The following FNBP1 variants were observed in gnomAD, a reference collection of about 807,000 sequenced individuals.
FNBP1 encodes the protein formin binding protein 1, also known as formin-binding protein 1.
A neutral mutation model predicts 90.6 loss-of-function variants in FNBP1; 26 were observed. The observed-to-expected ratio is 0.29, with a 90% CI of 0.21 to 0.40. The LOEUF (loss-of-function observed/expected upper bound fraction) is 0.40. FNBP1 is among the 10% of genes least tolerant of loss of function. The pLI, the probability that FNBP1 is intolerant of heterozygous loss-of-function variation, is 1.00. For synonymous variants in FNBP1, 260 were observed against 265.2 expected (o/e 0.98, Z 0.19); for missense variants, 635 against 768.0 (o/e 0.83, Z 2.05).
At chr9:130,049,127 G>A in the FNBP1 span, among the ~76,000 whole-genome samples, 7 of 151,388 alleles carry the variant, frequency 4.6e-5, no homozygotes, top group Non-Finnish European at 8.8e-5. Context: ...AGTGGCTCAT[G>A]CCTGTAATCC....
At chr9:129,891,153 T>TA (rs113290032) in intron 16 of FNBP1, among the ~76,000 whole-genome samples, 19 of 135,634 alleles carry the variant, frequency 1.4e-4, no homozygotes, top group Admixed American at 2.2e-4. Context: ...AGACTCCGTC[T>TA]TAAAAAAAAA....
At chr9:129,973,705 A>G (rs10819583) in intron 4 of FNBP1, among the ~76,000 whole-genome samples, 145,458 of 150,366 alleles carry the variant, frequency 0.97, 70,533 homozygotes, top group East Asian at 1. Flanking sequence ...GGGTTTCACC[A>G]TGTTGGCCAG....
chr9:129,923,850 CT>C lies in FNBP1; in HGVS notation c.1163del (p.Lys388SerfsTer34). 2 of 1,593,084 alleles carry C rather than the reference CT, an allele frequency of 1.3e-6. No individual in the cohort carries two copies. The highest frequency in any genetic ancestry group is 1.7e-6 in the Non-Finnish European group (2 of 1,170,802). ...KPKIHCFRSL[K>X]RGLSLKLGAT... ...ATTCCGGAGCAGAACTTACCCCACGCTTTAGGCTCCTGAAGCAGTGGATTTT... is the reference window on the plus strand; with the variant it reads ...ATTCCGGAGCAGAACTTACCCCACGCTTAGGCTCCTGAAGCAGTGGATTTT... On this transcript the variant is annotated frameshift_variant, in exon 10 of 17. Transcript: ENST00000446176. LOFTEE classifies it high-confidence loss of function.
chr9:129,954,271 T>C (rs1202919009), intron 6 of FNBP1, among the ~76,000 whole-genome samples: 1 of 152,086 alleles, frequency 6.6e-6, no homozygotes, highest in Non-Finnish European at 1.5e-5. Context: ...ATGGAATCCG[T>C]AGTTTGTAAC....
intron 1 of FNBP1, among the ~76,000 whole-genome samples, chr9:130,025,560 A>G (rs1328530405): frequency 6.6e-6 from 1 of 152,210 alleles, no homozygotes; most frequent in African/African-American, 2.4e-5. Context: ...AGTTTATACC[A>G]AATTCATTGA....
the FNBP1 span, chr9:130,053,825 T>C: frequency 1.9e-6 from 2 of 1,063,820 alleles, no homozygotes; most frequent in South Asian, 3.0e-5. Flanking sequence ...GACCACAGGG[T>C]CAGCGGAGCT....
chr9:130,026,828 T>C (rs1044033929), intron 1 of FNBP1, among the ~76,000 whole-genome samples: 3 of 151,700 alleles, frequency 2.0e-5, no homozygotes, highest in African/African-American at 7.3e-5. Flanking sequence ...TAGATGGGCA[T>C]GGTGCTCACA....
chr9:129,913,493 G>A (rs1389589267), intron 11 of FNBP1, among the ~76,000 whole-genome samples: 5 of 151,916 alleles, frequency 3.3e-5, no homozygotes, highest in Admixed American at 6.6e-5. Context: ...AAACCTGGCC[G>A]GGCCTGGTGG....
chr9:129,997,651 G>A (rs1421426207), intron 1 of FNBP1, among the ~76,000 whole-genome samples: 1 of 152,096 alleles, frequency 6.6e-6, no homozygotes, highest in Non-Finnish European at 1.5e-5. Flanking sequence ...AACCCTTTGT[G>A]GATCTAGTTT....
intron 1 of FNBP1, among the ~76,000 whole-genome samples, chr9:130,007,688 C>T (rs1035869777): frequency 4.6e-5 from 7 of 152,120 alleles, no homozygotes; most frequent in African/African-American, 9.7e-5. Flanking sequence ...TCTCTAACTG[C>T]CCCAAAGATG....
chr9:130,012,929 A>G (rs1456769740), intron 1 of FNBP1, among the ~76,000 whole-genome samples: 4 of 151,878 alleles, frequency 2.6e-5, no homozygotes, highest in Admixed American at 2.0e-4. Context: ...GTGAGCCACC[A>G]CGCCCAGCCA....
chr9:129,990,613 T>C (rs2052981569), intron 2 of FNBP1, among the ~76,000 whole-genome samples: 2 of 152,188 alleles, frequency 1.3e-5, no homozygotes, highest in South Asian at 2.1e-4. Flanking sequence ...CGTAAGGTTT[T>C]TGGATTTACT....
At chr9:129,931,561 G>A (rs2042747950) in intron 6 of FNBP1, among the ~76,000 whole-genome samples, 1 of 151,834 alleles carries the variant, frequency 6.6e-6, no homozygotes, top group African/African-American at 2.4e-5. Context: ...AGCCGAGATC[G>A]CGCCACTATA....
chr9:129,925,119 A>C lies in FNBP1; in HGVS notation c.828T>G (p.Phe276Leu), dbSNP rs777651562. 3 of 1,613,756 alleles carry C rather than the reference A, an allele frequency of 1.9e-6. No homozygotes were observed. The highest frequency in any genetic ancestry group is 8.5e-7 in the Non-Finnish European group (1 of 1,179,808). ...QLVIEAYKSG[F>L]EPPGDIEFED... ...CAAATTCAATGTCTCCAGGAGGCTC[A>C]AACCCTGATTTATAAGCTTCTATTA... The change falls in exon 9 of 17, where the codon TTT (phenylalanine) becomes TTG (leucine). Residue 276 changes from phenylalanine (F) to leucine (L), a missense_variant. Physicochemically the swap from Phe to Leu is conservative, Grantham distance 22. Transcript: ENST00000446176.
At chr9:129,998,464 A>G (rs1465667433) in intron 1 of FNBP1, among the ~76,000 whole-genome samples, 1 of 151,852 alleles carries the variant, frequency 6.6e-6, no homozygotes, top group African/African-American at 2.4e-5. Flanking sequence ...CAGTGAGCCA[A>G]GACGGGGCCA....
chr9:129,893,374 G>A (rs1389402729), intron 16 of FNBP1, among the ~76,000 whole-genome samples: 6 of 150,818 alleles, frequency 4.0e-5, no homozygotes, highest in African/African-American at 1.2e-4. Flanking sequence ...AGGCTGAGGC[G>A]GGCGGATCAC....
At position 129,887,643 on chromosome 9, in the gene FNBP1, A is replaced by C. The variant is rs2034832822; in HGVS notation, c.*2896T>G. The C allele has an allele frequency of 4.6e-6, 1 of 218,646 alleles. No individual in the cohort carries two copies. The highest frequency in any genetic ancestry group is 6.7e-5 in the East Asian group (1 of 14,872). The allele number at this position is 218,646 out of a possible 1,614,324, so 13.5% of individuals were successfully genotyped here. A position where few individuals can be genotyped will look rare whatever the true frequency, so the allele number is the denominator to read the frequency against. The stretch of plus-strand genomic sequence containing the variant: ...TATCTCCACGGTGAGCAGGATAAAA[A>C]CCCCCAAGGAACAGCCCATGACAAC... On this transcript the variant is annotated 3_prime_UTR_variant, in exon 17 of 17. Coordinates refer to ENST00000446176, the MANE Select transcript of FNBP1 (RefSeq NM_015033.3).
At chr9:129,969,479 T>A (rs1229328380) in intron 4 of FNBP1, among the ~76,000 whole-genome samples, 1 of 152,204 alleles carries the variant, frequency 6.6e-6, no homozygotes, top group Non-Finnish European at 1.5e-5. Flanking sequence ...AAACTGGTAA[T>A]ACCCTATAAA....
chr9:129,998,941 C>G (rs2054422820), intron 1 of FNBP1, among the ~76,000 whole-genome samples: 2 of 152,156 alleles, frequency 1.3e-5, no homozygotes, highest in Non-Finnish European at 2.9e-5. Flanking sequence ...TACTCAGTAA[C>G]AAATGAGCTG....
Sources: gnomAD v4.1 joint callset for allele counts (sites outside exome capture counted in the v4.1 genomes callset) on GRCh38, gnomAD v4.1.1 for gene constraint, MANE v1.5 for transcripts, NCBI Gene and HGNC (gene_info 2026-07-23, HGNC 2026-07-21) for gene names.